Variants in USP38 observed in about 807,000 individuals in gnomAD.
The protein encoded by USP38 is ubiquitin carboxyl-terminal hydrolase 38.
In USP38, 49 loss-of-function variants were observed where a neutral mutation model predicts 94.3. The observed-to-expected ratio is 0.52, with a 90% confidence interval of 0.41 to 0.66. The LOEUF (loss-of-function observed/expected upper bound fraction) is 0.66. USP38 is among the 30% of genes least tolerant of loss of function. The probability of loss-of-function intolerance (pLI) is 0.00; values close to 1 mark genes in which losing one functional copy is unlikely to be tolerated. For synonymous variants in USP38, 468 were observed against 463.6 expected (o/e 1.01, Z -0.12); for missense variants, 1,128 against 1,229.4 (o/e 0.92, Z 1.23).
intron 6 of USP38, among the ~76,000 whole-genome samples, chr4:143,207,664 GA>G (rs1243051202): frequency 3.4e-5 from 3 of 88,736 alleles, no homozygotes; most frequent in African/African-American, 5.6e-5. Flanking sequence ...TTTGTATTTG[GA>G]ATTTTTTTTT....
chr4:143,221,400 A>C lies in USP38; in HGVS notation c.*944A>C, dbSNP rs773633196. The C allele has an allele frequency of 2.0e-5, 3 of 152,580 alleles. No homozygotes were observed. Among genetic ancestry groups the C allele is most frequent in the Non-Finnish European group, 4.4e-5 (3 of 67,992 alleles). 9.5% of individuals were successfully genotyped at this position (152,580 alleles called of 1,614,324 possible). A position where few individuals can be genotyped will look rare whatever the true frequency, so the allele number is the denominator to read the frequency against. ...TGATAGTTCATTTTTAACTCTTAGA[A>C]GAATTCAGAGGAAATTAACCCAGCT... On this transcript the variant is annotated 3_prime_UTR_variant, in exon 10 of 10. Coordinates refer to ENST00000307017, the MANE Select transcript of USP38 (RefSeq NM_032557.6).
rs1731655147 is a variant in USP38, at chr4:143,199,685, TGAGATGGTA to T, written c.1050+1763_1050+1771del. 3.9e-5 allele frequency among the ~76,000 whole-genome samples: 6 copies of T among 152,210 alleles called. No individual in the cohort carries two copies. The South Asian group carries it at 1.2e-3, about 31-fold the overall frequency. On this transcript the variant is annotated intron_variant, in intron 4 of 9. Transcript: ENST00000307017. ...TTAATGATAGCCATTCTGACTGGTATGAGATGGTAGTTCATTGTGGTTTTGATTTGCATT... is the reference window on the plus strand; with the variant it reads ...TTAATGATAGCCATTCTGACTGGTATGTTCATTGTGGTTTTGATTTGCATT...
intron 1 of USP38, among the ~76,000 whole-genome samples, chr4:143,187,319 G>A (rs1228417313): frequency 6.6e-6 from 1 of 151,896 alleles, no homozygotes; most frequent in Non-Finnish European, 1.5e-5. Flanking sequence ...TATTTTGGAG[G>A]GTCTGAAGTG....
chr4:143,194,660 G>A (rs541196932), intron 2 of USP38, among the ~76,000 whole-genome samples: 2 of 151,922 alleles, frequency 1.3e-5, no homozygotes, highest in Non-Finnish European at 2.9e-5. Context: ...GGCACGTGCC[G>A]CCATGCCTGG....
chr4:143,187,697 G>T, intron 1 of USP38, 129 bp from the exon 2 acceptor site: 5 of 922,010 alleles, frequency 5.4e-6, no homozygotes, highest in Non-Finnish European at 7.9e-6. Flanking sequence ...ACCCATGAGG[G>T]TGTAGCATAA....
chr4:143,209,546 CATT>C lies in USP38; in HGVS notation c.1404-15_1404-13del. ...TGTTTGTACGCACATATATATAAAT[CATT>C]ATATTCTCTTTCAGTTTCAGGAGAC... On this transcript the variant is annotated splice_polypyrimidine_tract_variant and intron_variant, in intron 6 of 9. Coordinates refer to ENST00000307017, the MANE Select transcript of USP38 (RefSeq NM_032557.6). 3 of 1,385,308 alleles carry C rather than the reference CATT, an allele frequency of 2.2e-6. No homozygotes were observed. The highest frequency in any genetic ancestry group is 2.0e-6 in the Non-Finnish European group (2 of 985,746). The allele number at this position is 1,385,308 out of a possible 1,614,324, so 85.8% of individuals were successfully genotyped here. A position where few individuals can be genotyped will look rare whatever the true frequency, so the allele number is the denominator to read the frequency against.
At chr4:143,196,290 A>G (rs901864460) in intron 3 of USP38, among the ~76,000 whole-genome samples, 1 of 152,222 alleles carries the variant, frequency 6.6e-6, no homozygotes, top group Non-Finnish European at 1.5e-5. Flanking sequence ...TGGATGACAG[A>G]GCAAGACTGC....
rs1732304915 is a variant in USP38, at chr4:143,220,758, A to T, written c.*302A>T. ...TGCGTTAAATTTGGTAGAAGCATTT[A>T]AATGGTCTATCTTCAGTTTTACTGA... is the stretch of plus-strand genomic sequence containing the variant. On this transcript the variant is annotated 3_prime_UTR_variant, in exon 10 of 10. Coordinates refer to ENST00000307017, the MANE Select transcript of USP38 (RefSeq NM_032557.6). 1 of 200,742 alleles carries T rather than the reference A, an allele frequency of 5.0e-6. No individual in the cohort carries two copies. The highest frequency in any genetic ancestry group is 2.3e-5 in the African/African-American group (1 of 43,406). 12.4% of individuals were successfully genotyped at this position (200,742 alleles called of 1,614,324 possible). A position where few individuals can be genotyped will look rare whatever the true frequency, so the allele number is the denominator to read the frequency against.
rs1732088430 is a variant in USP38 at position 143,213,593 on chromosome 4, A to G, written c.1617A>G (p.Glu539=). Residue 539 remains glutamate (E), a synonymous_variant, in exon 9 of 10, where the codon GAA becomes GAG. Transcript: ENST00000307017. The stretch of plus-strand genomic sequence containing the variant: ...TCCTCTGCTGCAGGCTCCATGAAGA[A>G]GAAAAGATCTTGAAAGTTCAGGCCT... The part of the protein sequence containing the change: ...LRFLLDRLHE[E]EKILKVQASH... 4.4e-6 allele frequency: 7 copies of G among 1,602,434 alleles called. No individual in the cohort carries two copies. Among genetic ancestry groups the G allele is most frequent in the African/African-American group, 1.3e-5 (1 of 74,186 alleles).
chr4:143,213,614 G>A lies in USP38; in HGVS notation c.1638G>A (p.Gln546=). 1 of 1,611,894 alleles carries A rather than the reference G, an allele frequency of 6.2e-7. No individual in the cohort carries two copies. The highest frequency in any genetic ancestry group is 2.2e-5 in the East Asian group (1 of 44,760). Residue 546 remains glutamine (Q), a synonymous_variant, in exon 9 of 10, where the codon CAG becomes CAA. Coordinates refer to ENST00000307017, the MANE Select transcript of USP38 (RefSeq NM_032557.6). ...LHEEEKILKV[Q]ASHKPSEILE... ...AAGAAGAAAAGATCTTGAAAGTTCA[G>A]GCCTCACACAAGCCTTCTGAAATTC...
chr4:143,211,332 C>CA (rs1732018384), intron 7 of USP38, among the ~76,000 whole-genome samples: 1 of 152,038 alleles, frequency 6.6e-6, no homozygotes, highest in African/African-American at 2.4e-5. Context: ...ACTTATTGAA[C>CA]AGTTACTTTT....
rs1454420938 is a variant in USP38, at chr4:143,214,831, C to CTAA, written c.2857_2859dup (p.Asn953dup). ...CTTTTGTATAAAAAACAGCATAGTA[C>CTAA]TAATGGTTTAAGTGGTAATAACCCA... On this transcript the variant is annotated inframe_insertion, in exon 9 of 10. Coordinates refer to ENST00000307017, the MANE Select transcript of USP38 (RefSeq NM_032557.6). 1.9e-6 allele frequency: 3 copies of CTAA among 1,613,496 alleles called. No homozygotes were observed. Among genetic ancestry groups the CTAA allele is most frequent in the Non-Finnish European group, 2.5e-6 (3 of 1,179,760 alleles).
In USP38 at chr4:143,214,922, A is replaced by G; in HGVS notation, c.2946A>G (p.Lys982=). Residue 982 remains lysine (K), a synonymous_variant, in exon 9 of 10, where the codon AAA becomes AAG. Transcript: ENST00000307017. The part of the protein sequence containing the change: ...LQKELMDAIT[K]DNKLYLQEQE... ...AAGAACTTATGGATGCTATAACAAA[A>G]GACAATAAACTATATTTACAGGTAA... The G allele has an allele frequency of 6.2e-7, 1 of 1,612,412 alleles. No individual in the cohort carries two copies. Among genetic ancestry groups the G allele is most frequent in the Non-Finnish European group, 8.5e-7 (1 of 1,179,338 alleles).
chr4:143,185,496 C>T lies in USP38; in HGVS notation c.46C>T (p.Pro16Ser), dbSNP rs747777510. The T allele has an allele frequency of 2.5e-6, 4 of 1,607,650 alleles. No homozygotes were observed. Among genetic ancestry groups the T allele is most frequent in the South Asian group, 2.2e-5 (2 of 90,048 alleles). Reference protein sequence around the residue: ...EGLVSSSHPLPLKRVIVRKVV... With the variant: ...EGLVSSSHPLSLKRVIVRKVV... ...CCTTGTGAGTTCCTCGCATCCCCTG[C>T]CCCTCAAGCGGGTGATTGTGCGGAA... The change falls in exon 1 of 10, where the codon CCC becomes TCC. Residue 16 changes from proline (P) to serine (S), a missense_variant. By Grantham distance (74) the Pro-to-Ser change is moderately conservative. Transcript: ENST00000307017.
chr4:143,190,490 T>C (rs796514281), intron 2 of USP38, among the ~76,000 whole-genome samples: 15 of 151,312 alleles, frequency 9.9e-5, no homozygotes, highest in African/African-American at 3.1e-4. Flanking sequence ...GTCAAGTTTC[T>C]CACTTAGGGT....
chr4:143,214,614 G>T lies in USP38; in HGVS notation c.2638G>T (p.Ala880Ser). The part of the protein sequence containing the change: ...SSYQMYHQSE[A>S]LALASSQSHL... ...ATATCAGATGTACCACCAGTCTGAG[G>T]CTCTGGCATTAGCATCCTCCCAGAG... is the stretch of plus-strand genomic sequence containing the variant. The change falls in exon 9 of 10, where the codon GCT becomes TCT. Residue 880 changes from alanine to serine, a missense_variant. Coordinates refer to ENST00000307017, the MANE Select transcript of USP38 (RefSeq NM_032557.6). 1 of 1,613,600 alleles carries T rather than the reference G, an allele frequency of 6.2e-7. No individual in the cohort carries two copies. Among genetic ancestry groups the T allele is most frequent in the South Asian group, 1.1e-5 (1 of 91,062 alleles).
rs1732087183 is a variant in USP38, at chr4:143,213,562, A to G, written c.1605-19A>G. On this transcript the variant is annotated intron_variant, in intron 8 of 9. Coordinates refer to ENST00000307017, the MANE Select transcript of USP38 (RefSeq NM_032557.6). ...TGAAGTTAATTTAAGTAGCTATATA[A>G]TGATATCCTCTGCTGCAGGCTCCAT... 1 of 1,567,442 alleles carries G rather than the reference A, an allele frequency of 6.4e-7. No homozygotes were observed. The highest frequency in any genetic ancestry group is 2.0e-5 in the Admixed American group (1 of 48,942).
chr4:143,220,331 G>A lies in USP38; in HGVS notation c.3004G>A (p.Ala1002Thr), dbSNP rs1732289912. 5 of 1,613,104 alleles carry A rather than the reference G, an allele frequency of 3.1e-6. No individual in the cohort carries two copies. The highest frequency in any genetic ancestry group is 1.7e-5 in the Admixed American group (1 of 59,910). ...GAATGCTCGAGCCCGGGCCCTCCAA[G>A]CTGCATCTGCTTCATGTTCATTTCG... ...ELNARARALQAASASCSFRPN... is the reference protein window; with the variant it reads ...ELNARARALQTASASCSFRPN... The change falls in exon 10 of 10, where the codon GCT becomes ACT. Residue 1002 changes from alanine (A) to threonine (T), a missense_variant. Ala to Thr is a moderately conservative substitution (Grantham distance 58). Transcript: ENST00000307017.
Position 143,185,079 on chromosome 4 carries a change from T to C in USP38, c.-372T>C. The C allele has an allele frequency of 5.3e-6, 1 of 187,926 alleles. No individual in the cohort carries two copies. The highest frequency in any genetic ancestry group is 1.1e-5 in the Non-Finnish European group (1 of 92,328). 11.6% of individuals were successfully genotyped at this position (187,926 alleles called of 1,614,324 possible). On this transcript the variant is annotated 5_prime_UTR_variant, in exon 1 of 10. Transcript: ENST00000307017. The stretch of plus-strand genomic sequence containing the variant: ...CTGACCCGGAACTCGGAGGCGTGCT[T>C]CCTCCACCCGCCGGCTAGCAGCCCC...
Sources: allele counts gnomAD v4.1 joint callset (sites outside exome capture counted in the v4.1 genomes callset), GRCh38; gene constraint gnomAD v4.1.1; transcripts MANE v1.5; gene names NCBI Gene and HGNC (gene_info 2026-07-23, HGNC 2026-07-21).